TMEM132B: variants seen among roughly 807,000 people sequenced by gnomAD.
The protein encoded by TMEM132B is transmembrane protein 132B.
TMEM132B carries 18 observed loss-of-function variants against 90.8 expected under a neutral mutation model. That is an observed-to-expected ratio of 0.20 (90% CI 0.14 to 0.29). The LOEUF (loss-of-function observed/expected upper bound fraction) is 0.29, where lower values mean the gene tolerates loss of function less well. Among genes scored for constraint, TMEM132B ranks in the 10% least tolerant of loss-of-function variants. TMEM132B has a pLI of 1.00. For missense variants in TMEM132B, 1,096 were observed against 1,326.8 expected (o/e 0.83, Z 2.70); for synonymous variants, 504 against 523.3 (o/e 0.96, Z 0.50).
At chr12:125,557,246 C>G (rs988921956) in intron 4 of TMEM132B, among the ~76,000 whole-genome samples, 5 of 152,110 alleles carry the variant, frequency 3.3e-5, no homozygotes, top group African/African-American at 1.2e-4. Flanking sequence ...CTCCCTTGCA[C>G]TTATTACCCA....
chr12:125,318,021 G>A (rs1876331081), intron 1 of TMEM132B, among the ~76,000 whole-genome samples: 1 of 152,200 alleles, frequency 6.6e-6, no homozygotes. Flanking sequence ...TAGTAGCAAA[G>A]TGAGTGGGTT....
intron 1 of TMEM132B, among the ~76,000 whole-genome samples, chr12:125,240,461 G>A (rs952476777): frequency 1.2e-4 from 18 of 152,166 alleles, no homozygotes; most frequent in African/African-American, 4.3e-4. Context: ...TTCCTTGCAA[G>A]TAAGCCTCAT....
At chr12:125,424,885 T>G (rs1453632790) in intron 3 of TMEM132B, among the ~76,000 whole-genome samples, 1 of 151,890 alleles carries the variant, frequency 6.6e-6, no homozygotes, top group African/African-American at 2.4e-5. Context: ...GGATGACAAA[T>G]TACTAAGAGG....
chr12:125,577,864 G>T (rs944680313), intron 4 of TMEM132B, among the ~76,000 whole-genome samples: 2 of 151,834 alleles, frequency 1.3e-5, no homozygotes, highest in Admixed American at 6.6e-5. Flanking sequence ...TTGAAACATT[G>T]GTTGTTTAAA....
chr12:125,412,572 G>T (rs1300473690), intron 2 of TMEM132B, among the ~76,000 whole-genome samples: 4 of 152,214 alleles, frequency 2.6e-5, no homozygotes, highest in South Asian at 4.1e-4. Flanking sequence ...GCGCTATCGG[G>T]TGGGAGGGTC....
At chr12:125,264,178 C>T (rs534265712) in intron 1 of TMEM132B, among the ~76,000 whole-genome samples, 2 of 152,290 alleles carry the variant, frequency 1.3e-5, no homozygotes, top group East Asian at 3.9e-4. Flanking sequence ...TGCATTCAAC[C>T]TGTCTCCATC....
chr12:125,247,158 C>G (rs774612887), intron 1 of TMEM132B, among the ~76,000 whole-genome samples: 5 of 152,162 alleles, frequency 3.3e-5, no homozygotes, highest in Non-Finnish European at 7.3e-5. Flanking sequence ...CTTATTTTCT[C>G]CTTTCTTTGT....
In TMEM132B at chr12:125,653,606, G is replaced by A. The variant is rs766332375; in HGVS notation, c.2148G>A (p.Ser716=). The A allele has an allele frequency of 5.6e-6, 9 of 1,612,796 alleles. No individual in the cohort carries two copies. The highest frequency in any genetic ancestry group is 5.0e-5 in the Admixed American group (3 of 59,988). ...VSSWILFSDG[S]VTPLDIYDPK... Reference sequence around the variant, plus strand: ...CTTGGATTTTGTTCAGTGATGGTTCGGTGACACCTTTAGACATTTACGATC... The same window carrying A: ...CTTGGATTTTGTTCAGTGATGGTTCAGTGACACCTTTAGACATTTACGATC... The change falls in exon 9 of 9, where the codon TCG becomes TCA. Residue 716 remains serine (S), a synonymous_variant. Transcript: ENST00000682704.
In TMEM132B at chr12:125,552,392, T is replaced by G. The variant is rs572925945; in HGVS notation, c.1294-31459T>G. On this transcript the variant is annotated intron_variant, in intron 4 of 8. Coordinates refer to ENST00000682704, the MANE Select transcript of TMEM132B (RefSeq NM_001366854.1). ...AGAGACAGAGGGGGGTGCCCTGGTG[T>G]CTGAGGCATTGGAAGGGCAGGAGCA... 3.3e-5 allele frequency among the ~76,000 whole-genome samples: 5 copies of G among 152,290 alleles called. No individual in the cohort carries two copies. The East Asian group carries it at 9.7e-4, about 29-fold the overall frequency.
At chr12:125,377,443 T>A (rs905079112) in intron 2 of TMEM132B, among the ~76,000 whole-genome samples, 2 of 152,048 alleles carry the variant, frequency 1.3e-5, no homozygotes, top group Non-Finnish European at 2.9e-5. Flanking sequence ...GGTTGGGTGG[T>A]TAGGTTCAGA....
At chr12:125,538,341 G>A (rs1246560047) in intron 4 of TMEM132B, among the ~76,000 whole-genome samples, 1 of 152,152 alleles carries the variant, frequency 6.6e-6, no homozygotes, top group Admixed American at 6.5e-5. Context: ...GTCAGGGTTA[G>A]GGTGCAGATA....
intron 3 of TMEM132B, among the ~76,000 whole-genome samples, chr12:125,494,459 CCA>C: frequency 6.9e-6 from 1 of 145,402 alleles, no homozygotes; most frequent in Admixed American, 6.8e-5. Flanking sequence ...CCCCTCCTCC[CCA>C]AAAATGGATG....
At chr12:125,540,482 G>T (rs1341628444) in intron 4 of TMEM132B, among the ~76,000 whole-genome samples, 2 of 152,120 alleles carry the variant, frequency 1.3e-5, no homozygotes, top group Admixed American at 6.5e-5. Context: ...TATCCATTTT[G>T]AAGCTCTGTT....
At chr12:125,598,993 C>G (rs1358403891) in intron 5 of TMEM132B, among the ~76,000 whole-genome samples, 1 of 152,166 alleles carries the variant, frequency 6.6e-6, no homozygotes, top group East Asian at 1.9e-4. Context: ...AAGCAGTGAT[C>G]ACAGTCATAA....
At chr12:125,568,316 C>CATTGATAT (rs2136820641) in intron 4 of TMEM132B, among the ~76,000 whole-genome samples, 1 of 152,272 alleles carries the variant, frequency 6.6e-6, no homozygotes, top group East Asian at 1.9e-4. Flanking sequence ...TTGATACAGG[C>CATTGATAT]ATGCAATGCA....
chr12:125,589,214 G>A (rs1187028309), intron 5 of TMEM132B, among the ~76,000 whole-genome samples: 3 of 151,988 alleles, frequency 2.0e-5, no homozygotes, highest in Non-Finnish European at 4.4e-5. Flanking sequence ...CGGGCACGGT[G>A]GCTCACGCCT....
chr12:125,515,624 TTA>T (rs1883123037), intron 3 of TMEM132B, among the ~76,000 whole-genome samples: 2 of 147,710 alleles, frequency 1.4e-5, no homozygotes, highest in Non-Finnish European at 3.0e-5. Flanking sequence ...ATTCACACAT[TTA>T]GTCACACACA....
chr12:125,621,612 CCTT>C (rs1159386468), intron 5 of TMEM132B, among the ~76,000 whole-genome samples: 9 of 152,124 alleles, frequency 5.9e-5, no homozygotes, highest in African/African-American at 2.2e-4. Context: ...TCCCAGCACT[CCTT>C]CATGCTGGAG....
At chr12:125,244,240 CA>C (rs1874156627) in intron 1 of TMEM132B, among the ~76,000 whole-genome samples, 1 of 152,170 alleles carries the variant, frequency 6.6e-6, no homozygotes, top group Admixed American at 6.5e-5. Context: ...TTTTCCCGAA[CA>C]CCCATTTTCA....
Sources: allele counts gnomAD v4.1 joint callset (sites outside exome capture counted in the v4.1 genomes callset), GRCh38; gene constraint gnomAD v4.1.1; transcripts MANE v1.5; gene names NCBI Gene and HGNC (gene_info 2026-07-23, HGNC 2026-07-21).